VPS13B: variants seen among roughly 807,000 people sequenced by gnomAD.
VPS13B encodes the protein vacuolar protein sorting 13 homolog B, also known as intermembrane lipid transfer protein VPS13B.
Under a neutral mutation model 426.4 loss-of-function variants are expected in VPS13B, and 285 were observed. The ratio of observed to expected loss-of-function variants is 0.67; its 90% CI spans 0.61 to 0.74. The LOEUF (loss-of-function observed/expected upper bound fraction) is 0.74. Among genes scored for constraint, VPS13B ranks in the 30% least tolerant of loss-of-function variants. The pLI is 0.00. For missense variants in VPS13B, 4,537 were observed against 4,782.6 expected (o/e 0.95, Z 1.51); for synonymous variants, 1,676 against 1,676.4 (o/e 1.00, Z 0.01).
chr8:99,261,602 A>G (rs1202220937), intron 17 of VPS13B, among the ~76,000 whole-genome samples: 1 of 152,168 alleles, frequency 6.6e-6, no homozygotes, highest in Non-Finnish European at 1.5e-5. Context: ...ACTGAATGGT[A>G]TGATAAATGT....
intron 43 of VPS13B, chr8:99,804,294 A>C (rs1195928880): frequency 6.6e-6 from 1 of 152,234 alleles, no homozygotes; most frequent in Non-Finnish European, 1.5e-5. Flanking sequence ...TGCTGGCTGC[A>C]GTTTTTTCTG....
At chr8:99,811,555 G>A (rs1237494907) in intron 44 of VPS13B, among the ~76,000 whole-genome samples, 4 of 152,086 alleles carry the variant, frequency 2.6e-5, no homozygotes, top group Non-Finnish European at 5.9e-5. Flanking sequence ...CTGGTCCAGG[G>A]ACCACAATTT....
intron 17 of VPS13B, among the ~76,000 whole-genome samples, chr8:99,240,466 A>C (rs1168034046): frequency 2.0e-5 from 3 of 152,178 alleles, no homozygotes; most frequent in Non-Finnish European, 4.4e-5. Context: ...TTAGCTTGAA[A>C]TGGCAAGTTC....
intron 26 of VPS13B, 128 bp downstream of exon 26, chr8:99,501,986 T>G: frequency 1.7e-6 from 2 of 1,158,226 alleles, no homozygotes; most frequent in Non-Finnish European, 2.5e-6. Context: ...TCCGTCTGTC[T>G]GTCTGTCTTT....
chr8:99,278,912 A>G (rs895803273), intron 19 of VPS13B, among the ~76,000 whole-genome samples: 31 of 152,356 alleles, frequency 2.0e-4, no homozygotes, highest in African/African-American at 5.5e-4. Context: ...AGAATACAGT[A>G]TGCCAGCACA....
At chr8:99,678,675 G>C (rs2129956475) in intron 35 of VPS13B, among the ~76,000 whole-genome samples, 1 of 152,046 alleles carries the variant, frequency 6.6e-6, no homozygotes, top group East Asian at 1.9e-4. Context: ...GCACCCATTG[G>C]TGCTCAATGC....
At chr8:99,187,691 G>T (rs893621924) in intron 16 of VPS13B, among the ~76,000 whole-genome samples, 1 of 152,266 alleles carries the variant, frequency 6.6e-6, no homozygotes, top group South Asian at 2.1e-4. Flanking sequence ...TGGGTAGGCC[G>T]GGTGCAGTGA....
At chr8:99,152,821 A>G (rs891075463) in intron 14 of VPS13B, among the ~76,000 whole-genome samples, 3 of 151,822 alleles carry the variant, frequency 2.0e-5, no homozygotes, top group Non-Finnish European at 2.9e-5. Flanking sequence ...CTTTCTTTTG[A>G]TTAGTTTTAG....
chr8:99,807,343 C>T (rs1463020826), intron 43 of VPS13B, among the ~76,000 whole-genome samples: 1 of 151,914 alleles, frequency 6.6e-6, no homozygotes, highest in Admixed American at 6.6e-5. Context: ...ACATTGTGTA[C>T]ATTAAAACTT....
chr8:99,596,749 T>A (rs938781144), intron 33 of VPS13B, among the ~76,000 whole-genome samples: 18 of 152,204 alleles, frequency 1.2e-4, no homozygotes, highest in African/African-American at 3.9e-4. Context: ...AAATGTAGTC[T>A]TTTTTCTTTT....
chr8:99,800,962 A>G (rs1813092238), intron 43 of VPS13B, among the ~76,000 whole-genome samples: 1 of 152,222 alleles, frequency 6.6e-6, no homozygotes, highest in East Asian at 1.9e-4. Flanking sequence ...ATTACAAAGT[A>G]TATGATGAAA....
chr8:99,453,686 C>T (rs1484737789), intron 23 of VPS13B, among the ~76,000 whole-genome samples: 1 of 152,152 alleles, frequency 6.6e-6, no homozygotes, highest in Non-Finnish European at 1.5e-5. Context: ...AATATGGCAG[C>T]CCTAATATGC....
At chr8:99,379,979 G>C (rs1813705128) in intron 19 of VPS13B, among the ~76,000 whole-genome samples, 1 of 151,988 alleles carries the variant, frequency 6.6e-6, no homozygotes, top group Non-Finnish European at 1.5e-5. Flanking sequence ...TCTAAATCTT[G>C]TTCAGTTAAT....
intron 22 of VPS13B, among the ~76,000 whole-genome samples, chr8:99,437,657 G>T (rs978946937): frequency 1.3e-5 from 2 of 152,144 alleles, no homozygotes; most frequent in African/African-American, 4.8e-5. Context: ...GGTGGAGGTT[G>T]CAGGGAGCCG....
chr8:99,789,862 G>A (rs2130721618), intron 43 of VPS13B, among the ~76,000 whole-genome samples: 1 of 152,150 alleles, frequency 6.6e-6, no homozygotes, highest in African/African-American at 2.4e-5. Context: ...AAACATACTG[G>A]AAAAAGACAT....
chr8:99,647,775 A>G (rs547711111), intron 34 of VPS13B, among the ~76,000 whole-genome samples: 9 of 152,296 alleles, frequency 5.9e-5, no homozygotes, highest in East Asian at 1.9e-4. Flanking sequence ...TTTTTATTCT[A>G]TAATTCATAA....
In VPS13B at chr8:99,815,317, TC is replaced by T. The variant is rs559742559; in HGVS notation, c.8098-2222del. 2.4e-3 allele frequency among the ~76,000 whole-genome samples: 367 copies of T among 152,076 alleles called. 4 individuals are homozygous for T. The highest frequency in any genetic ancestry group is 8.5e-3 in the African/African-American group (352 of 41,476). ...GAATAGTGTAAGTTCCAGTCCAAAG[TC>T]TGGCAAGTTCAAGACCCAAGAAGAG... On this transcript the variant is annotated intron_variant, in intron 44 of 61. Coordinates refer to ENST00000357162, the MANE Select transcript of VPS13B (RefSeq NM_152564.5).
chr8:99,741,294 C>T (rs983422001), intron 39 of VPS13B, among the ~76,000 whole-genome samples: 2 of 152,144 alleles, frequency 1.3e-5, no homozygotes, highest in African/African-American at 4.8e-5. Flanking sequence ...TATATATGCA[C>T]CCAATACAGG....
At chr8:99,421,953 A>T (rs1816400124) in intron 21 of VPS13B, among the ~76,000 whole-genome samples, 1 of 152,162 alleles carries the variant, frequency 6.6e-6, no homozygotes, top group Non-Finnish European at 1.5e-5. Context: ...AGGTGCTGGG[A>T]TTACAGGTGT....
Sources: gnomAD v4.1 joint callset for allele counts (sites outside exome capture counted in the v4.1 genomes callset) on GRCh38, gnomAD v4.1.1 for gene constraint, MANE v1.5 for transcripts, NCBI Gene and HGNC (gene_info 2026-07-23, HGNC 2026-07-21) for gene names.